Variants in CDH8 observed in about 807,000 individuals in gnomAD.
CDH8 encodes cadherin 8.
Under a neutral mutation model 68.1 loss-of-function variants are expected in CDH8, and 17 were observed. The observed-to-expected ratio is 0.25, with a 90% CI of 0.17 to 0.37. CDH8 has a LOEUF of 0.37. CDH8 is among the 10% of genes least tolerant of loss of function. The pLI is 1.00. For missense variants in CDH8, 763 were observed against 999.3 expected, an observed-to-expected ratio of 0.76 and a Z score of 3.19; for synonymous variants, 372 against 365.1, an observed-to-expected ratio of 1.02 and a Z score of -0.21.
At position 61,821,113 on chromosome 16, in the gene CDH8, C is replaced by A. The variant is rs1407295827; in HGVS notation, c.836G>T (p.Ser279Ile). 4 of 1,593,914 alleles carry A rather than the reference C, an allele frequency of 2.5e-6. No homozygotes were observed. The highest frequency in any genetic ancestry group is 3.4e-6 in the Non-Finnish European group (4 of 1,168,634). The change falls in exon 6 of 12, where the codon AGC becomes ATC. Residue 279 changes from serine to isoleucine, a missense_variant and splice_region_variant. Ser to Ile is a moderately radical substitution (Grantham distance 142). Around this residue, in one of 2 missense-constraint regions of CDH8, gnomAD observed 366 missense variants for 563.1 expected, o/e 0.65. Coordinates refer to ENST00000577390, the MANE Select transcript of CDH8 (RefSeq NM_001796.5). ...TTCCGGTACTGAGAAGTGATACAGG[C>A]CTTTAAAAAGAGGAGAAACAATGAG... ...VNDNPPKFAQ[S>I]LYHFSVPEDV...
intron 2 of CDH8, among the ~76,000 whole-genome samples, chr16:61,990,989 G>A (rs1965710778): frequency 6.6e-6 from 1 of 151,704 alleles, no homozygotes; most frequent in Non-Finnish European, 1.5e-5. Flanking sequence ...AAGGAAGGAA[G>A]AAAGGGAGGA....
At chr16:61,812,434 C>T (rs1273573677) in intron 7 of CDH8, among the ~76,000 whole-genome samples, 1 of 152,150 alleles carries the variant, frequency 6.6e-6, no homozygotes, top group Non-Finnish European at 1.5e-5. Flanking sequence ...TGCTGAATGG[C>T]CATCATTTCC....
chr16:61,796,153 AAG>A (rs533444629), intron 7 of CDH8, among the ~76,000 whole-genome samples: 40 of 152,188 alleles, frequency 2.6e-4, no homozygotes, highest in Admixed American at 1.8e-3. Context: ...GGGAGAGAAA[AAG>A]AGAAATAAAA....
At chr16:62,027,360 C>T (rs1394036798) in intron 1 of CDH8, among the ~76,000 whole-genome samples, 1 of 152,142 alleles carries the variant, frequency 6.6e-6, no homozygotes, top group African/African-American at 2.4e-5. Context: ...CATATTACAC[C>T]ATCCGTTTTG....
chr16:61,686,221 A>G (rs1387873140), intron 10 of CDH8, among the ~76,000 whole-genome samples: 4 of 152,004 alleles, frequency 2.6e-5, no homozygotes, highest in Admixed American at 6.6e-5. Flanking sequence ...TATTCAAATA[A>G]TGATCAATAT....
intron 2 of CDH8, among the ~76,000 whole-genome samples, chr16:61,959,825 ATG>A (rs749159009): frequency 3.3e-4 from 48 of 146,566 alleles, no homozygotes; most frequent in Middle Eastern, 3.8e-3. Context: ...CTCTCTCTGT[ATG>A]TGTGTGTGTA....
At chr16:61,697,332 C>A (rs1028216487) in intron 10 of CDH8, among the ~76,000 whole-genome samples, 8 of 152,036 alleles carry the variant, frequency 5.3e-5, no homozygotes, top group African/African-American at 1.9e-4. Context: ...GAGAACATGT[C>A]ACCCTTATGC....
At chr16:62,011,552 A>C (rs1901813135) in intron 2 of CDH8, among the ~76,000 whole-genome samples, 1 of 152,180 alleles carries the variant, frequency 6.6e-6, no homozygotes, top group Non-Finnish European at 1.5e-5. Flanking sequence ...GGGTACAGAG[A>C]GCAAAAAAGC....
At chr16:61,989,714 T>G (rs990213428) in intron 2 of CDH8, among the ~76,000 whole-genome samples, 10 of 152,356 alleles carry the variant, frequency 6.6e-5, no homozygotes, top group African/African-American at 2.2e-4. Context: ...GTCTAAGGAA[T>G]GAAAAACATG....
chr16:61,651,620 T>G lies in CDH8; in HGVS notation c.*1988A>C, dbSNP rs1050515498. ...GATGTGTTTTCACTCTAGAACCCCC[T>G]GTCAGACTGGCAGAGATTTTGCCAG... On this transcript the variant is annotated 3_prime_UTR_variant, in exon 12 of 12. Transcript: ENST00000577390. The G allele has an allele frequency of 1.3e-5, 2 of 152,172 alleles. No homozygotes were observed. The highest frequency in any genetic ancestry group is 1.3e-4 in the Admixed American group (2 of 15,264). The allele number at this position is 152,172 out of a possible 1,614,324, so 9.4% of individuals were successfully genotyped here.
intron 2 of CDH8, among the ~76,000 whole-genome samples, chr16:62,005,841 G>A (rs996550509): frequency 2.0e-5 from 3 of 151,964 alleles, no homozygotes; most frequent in African/African-American, 7.3e-5. Flanking sequence ...CATAGTCCTT[G>A]GATTTAAAAG....
chr16:61,789,054 T>C (rs561907675), intron 8 of CDH8, among the ~76,000 whole-genome samples: 1 of 152,220 alleles, frequency 6.6e-6, no homozygotes, highest in East Asian at 1.9e-4. Context: ...TTTAACCTAC[T>C]GTTTTATACT....
chr16:61,874,686 A>G (rs1963430149), intron 3 of CDH8, among the ~76,000 whole-genome samples: 1 of 152,312 alleles, frequency 6.6e-6, no homozygotes, highest in South Asian at 2.1e-4. Flanking sequence ...TTATCTCTGA[A>G]TGTATCAATA....
At chr16:61,664,132 C>T (rs1346743586) in intron 10 of CDH8, among the ~76,000 whole-genome samples, 1 of 151,872 alleles carries the variant, frequency 6.6e-6, no homozygotes, top group Non-Finnish European at 1.5e-5. Context: ...GATAATCTCT[C>T]TACCTCCCCT....
chr16:61,933,315 C>A (rs1294669928), intron 2 of CDH8, among the ~76,000 whole-genome samples: 1 of 152,144 alleles, frequency 6.6e-6, no homozygotes, highest in Non-Finnish European at 1.5e-5. Context: ...GCTGTATTTG[C>A]AGGCAGTAGG....
In CDH8 at chr16:61,886,296, T is replaced by TA. The variant is rs535315018; in HGVS notation, c.547+14882dup. Reference sequence around the variant, plus strand: ...TCTATTTTTAAGGCCCATATAATAATAAAAAAAAACTGCATATAATCTGTG... The same window carrying TA: ...TCTATTTTTAAGGCCCATATAATAATAAAAAAAAAACTGCATATAATCTGTG... On this transcript the variant is annotated intron_variant, in intron 3 of 11. Coordinates refer to ENST00000577390, the MANE Select transcript of CDH8 (RefSeq NM_001796.5). 2.8e-4 allele frequency among the ~76,000 whole-genome samples: 43 copies of TA among 151,526 alleles called. No homozygotes were observed. In the South Asian group the frequency reaches 3.1e-3, roughly 11 times the overall value.
chr16:61,908,317 C>CA (rs1964097834), intron 2 of CDH8, among the ~76,000 whole-genome samples: 1 of 152,150 alleles, frequency 6.6e-6, no homozygotes, highest in South Asian at 2.1e-4. Context: ...GGGACTTTGA[C>CA]ATGATATTAG....
chr16:62,030,168 ACAGT>A (rs1486496158), intron 1 of CDH8, among the ~76,000 whole-genome samples: 6 of 152,332 alleles, frequency 3.9e-5, no homozygotes, highest in East Asian at 1.9e-4. Flanking sequence ...GGATGAGTAG[ACAGT>A]CAGATAGACA....
At chr16:61,990,255 C>T (rs1289413599) in intron 2 of CDH8, among the ~76,000 whole-genome samples, 1 of 145,460 alleles carries the variant, frequency 6.9e-6, no homozygotes, top group Non-Finnish European at 1.5e-5. Context: ...TAGTTACTAA[C>T]AGGTATTCCA....
Sources: gnomAD v4.1 joint callset for allele counts (sites outside exome capture counted in the v4.1 genomes callset) on GRCh38, gnomAD v4.1.1 for gene constraint, gnomAD v4.1.1 regional missense constraint, MANE v1.5 for transcripts, NCBI Gene and HGNC (gene_info 2026-07-23, HGNC 2026-07-21) for gene names.